The following ARHGAP15 variants were observed in gnomAD, a reference collection of about 807,000 sequenced individuals.
The protein encoded by ARHGAP15 is rho GTPase-activating protein 15.
In ARHGAP15, 51 loss-of-function variants were observed where a neutral mutation model predicts 63.7. The ratio of observed to expected loss-of-function variants is 0.80; its 90% CI spans 0.64 to 1.01. The LOEUF (loss-of-function observed/expected upper bound fraction) is 1.01. Ranked by LOEUF, ARHGAP15 falls within the 50% of genes least tolerant of loss-of-function variation. The pLI is 0.00. For synonymous variants in ARHGAP15, 191 were observed against 193.8 expected (o/e 0.99, Z 0.12); for missense variants, 560 against 564.6 (o/e 0.99, Z 0.08).
chr2:143,131,518 C>T (rs1688914774), intron 1 of ARHGAP15, among the ~76,000 whole-genome samples: 1 of 152,156 alleles, frequency 6.6e-6, no homozygotes, highest in Non-Finnish European at 1.5e-5. Flanking sequence ...TTTTATTATT[C>T]TCTTCTGGAG....
At chr2:143,544,439 ATTTG>A (rs1384959047) in intron 10 of ARHGAP15, among the ~76,000 whole-genome samples, 8 of 152,318 alleles carry the variant, frequency 5.3e-5, no homozygotes, top group Admixed American at 5.2e-4. Flanking sequence ...TGTCATTAAT[ATTTG>A]TTCACAAGAG....
chr2:143,384,938 A>G (rs7591447), intron 6 of ARHGAP15, among the ~76,000 whole-genome samples: 18,217 of 152,196 alleles, frequency 0.12, 2,130 homozygotes, highest in African/African-American at 0.31. Flanking sequence ...GGAACACTGA[A>G]TAAGACATTC....
chr2:143,321,535 C>T (rs145920364), intron 6 of ARHGAP15, among the ~76,000 whole-genome samples: 1 of 152,346 alleles, frequency 6.6e-6, no homozygotes, highest in Non-Finnish European at 1.5e-5. Context: ...TTGCCGTGGT[C>T]ACCTGCCCTT....
chr2:143,350,087 C>A (rs1685487127), intron 6 of ARHGAP15, among the ~76,000 whole-genome samples: 1 of 151,930 alleles, frequency 6.6e-6, no homozygotes, highest in African/African-American at 2.4e-5. Flanking sequence ...TTTGTTTATA[C>A]CCTAAAAATG....
chr2:143,176,251 AC>A (rs1691005148), intron 2 of ARHGAP15, among the ~76,000 whole-genome samples: 2 of 152,074 alleles, frequency 1.3e-5, no homozygotes, highest in Non-Finnish European at 2.9e-5. Context: ...ATATAAGAAA[AC>A]TTTTATATTA....
intron 6 of ARHGAP15, among the ~76,000 whole-genome samples, chr2:143,320,632 C>T (rs868013314): frequency 2.0e-5 from 3 of 151,826 alleles, no homozygotes; most frequent in Non-Finnish European, 2.9e-5. Flanking sequence ...GATGCTGCTC[C>T]GGGAGAAAAG....
chr2:143,462,790 G>A (rs1374907696), intron 8 of ARHGAP15, among the ~76,000 whole-genome samples: 1 of 152,186 alleles, frequency 6.6e-6, no homozygotes, highest in Non-Finnish European at 1.5e-5. Flanking sequence ...TGGATGGATG[G>A]ATGGATGGAT....
intron 8 of ARHGAP15, among the ~76,000 whole-genome samples, chr2:143,459,566 A>G (rs1690827662): frequency 6.6e-6 from 1 of 152,174 alleles, no homozygotes; most frequent in Non-Finnish European, 1.5e-5. Flanking sequence ...TTTTATCTGT[A>G]TTGCATACCT....
intron 8 of ARHGAP15, among the ~76,000 whole-genome samples, chr2:143,470,943 TATACACACATGTGTATCATATGTGTGTAC>T (rs942430141): frequency 7.0e-6 from 1 of 142,646 alleles, no homozygotes; most frequent in African/African-American, 2.5e-5. Flanking sequence ...TATGTGTGTA[TATACACACATGTGTATCATATGTGTGTAC>T]ATACACACGT....
intron 6 of ARHGAP15, among the ~76,000 whole-genome samples, chr2:143,393,807 G>A (rs916405923): frequency 3.3e-5 from 5 of 150,188 alleles, no homozygotes; most frequent in African/African-American, 7.4e-5. Flanking sequence ...TGTCTTCCCC[G>A]TTGGGACATA....
intron 12 of ARHGAP15, among the ~76,000 whole-genome samples, chr2:143,693,151 G>A (rs1017375259): frequency 2.0e-5 from 3 of 152,070 alleles, no homozygotes; most frequent in Admixed American, 6.6e-5. Flanking sequence ...CTTCATGTGC[G>A]AATATTTCTC....
intron 6 of ARHGAP15, among the ~76,000 whole-genome samples, chr2:143,425,675 C>T (rs1289842160): frequency 6.6e-6 from 1 of 152,034 alleles, no homozygotes; most frequent in East Asian, 1.9e-4. Flanking sequence ...AAATTTTCAA[C>T]ATTTTCAATT....
At chr2:143,542,967 C>G (rs1319087903) in intron 10 of ARHGAP15, among the ~76,000 whole-genome samples, 3 of 149,728 alleles carry the variant, frequency 2.0e-5, no homozygotes, top group African/African-American at 7.3e-5. Flanking sequence ...TAGGTTAATT[C>G]CATATCTTGG....
intron 10 of ARHGAP15, among the ~76,000 whole-genome samples, chr2:143,526,169 T>C (rs969380722): frequency 6.6e-6 from 1 of 151,532 alleles, no homozygotes. Context: ...TATCTATGTC[T>C]AGCAATGCAT....
intron 6 of ARHGAP15, among the ~76,000 whole-genome samples, chr2:143,257,780 A>C (rs189488463): frequency 1.3e-4 from 20 of 152,196 alleles, no homozygotes; most frequent in Admixed American, 3.9e-4. Flanking sequence ...GACACGATGC[A>C]CTCCAACCTG....
chr2:143,419,309 A>G (rs904282685), intron 6 of ARHGAP15, among the ~76,000 whole-genome samples: 8 of 152,172 alleles, frequency 5.3e-5, no homozygotes, highest in African/African-American at 1.7e-4. Flanking sequence ...ACAACTTGGA[A>G]CAAACTTTCT....
At position 143,233,367 on chromosome 2, in the gene ARHGAP15, G is replaced by T. The variant is rs186029342; in HGVS notation, c.384+4699G>T. Among the ~76,000 whole-genome samples, 756 of 151,748 alleles carry T rather than the reference G, an allele frequency of 5.0e-3. 6 individuals carry two copies. The highest frequency in any genetic ancestry group is 9.1e-3 in the Non-Finnish European group (619 of 67,956). ...CATCCTAGAAATATATATTCTCTTT[G>T]AATATAGAATTTTTAGTTGGTAGTC... On this transcript the variant is annotated intron_variant, in intron 5 of 13. Coordinates refer to ENST00000295095, the MANE Select transcript of ARHGAP15 (RefSeq NM_018460.4).
rs1244922007 is a variant in ARHGAP15 at position 143,538,989 on chromosome 2, G to A, written c.926-17419G>A. Among the ~76,000 whole-genome samples the A allele has an allele frequency of 9.2e-5, 14 of 152,202 alleles. No homozygotes were observed. In the South Asian group the frequency reaches 1.0e-3, roughly 11 times the overall value. The stretch of plus-strand genomic sequence containing the variant: ...CCTCCTTGTACCTCTGGTAGAATTC[G>A]GCTGTGAATCCATCTGGTCCTGGAT... On this transcript the variant is annotated intron_variant, in intron 10 of 13. Coordinates refer to ENST00000295095, the MANE Select transcript of ARHGAP15 (RefSeq NM_018460.4).
intron 6 of ARHGAP15, among the ~76,000 whole-genome samples, chr2:143,424,422 G>A (rs11898440): frequency 1.2e-3 from 189 of 152,086 alleles, no homozygotes; most frequent in African/African-American, 3.9e-3. Context: ...ATTCTGGAGC[G>A]TGTCTGTAAG....
Sources: allele counts gnomAD v4.1 joint callset (sites outside exome capture counted in the v4.1 genomes callset), GRCh38; gene constraint gnomAD v4.1.1; transcripts MANE v1.5; gene names NCBI Gene and HGNC (gene_info 2026-07-23, HGNC 2026-07-21).